Variants in NUTM2G observed in about 807,000 individuals in gnomAD.
The protein encoded by NUTM2G is family with sequence similarity 22, member G.
A neutral mutation model predicts 44.3 loss-of-function variants in NUTM2G; 29 were observed. That is an observed-to-expected ratio of 0.66 (90% confidence interval 0.49 to 0.89). NUTM2G has a LOEUF of 0.89. NUTM2G is among the 40% of genes least tolerant of loss of function. The pLI, the probability that NUTM2G is intolerant of heterozygous loss-of-function variation, is 0.00. For missense variants in NUTM2G, 502 were observed against 946.5 expected, an observed-to-expected ratio of 0.53 and a Z score of 6.16; for synonymous variants, 205 against 395.9, an observed-to-expected ratio of 0.52 and a Z score of 5.72.
rs1588205636 is a variant in NUTM2G, at chr9:96,937,210, C to G, written c.1129C>G (p.Pro377Ala). Residue 377 changes from proline to alanine, a missense_variant, in exon 5 of 7, where the codon CCT (proline) becomes GCT (alanine). Transcript: ENST00000372322. The part of the protein sequence containing the change: ...AETKVPEEIP[P>A]EVVQEYVDIM... ...GACCAAGGTCCCTGAGGAGATCCCC[C>G]CTGAAGTGGTGCAGGAGTATGTGGA... 3 of 1,612,998 alleles carry G rather than the reference C, an allele frequency of 1.9e-6. No homozygotes were observed. Among genetic ancestry groups the G allele is most frequent in the African/African-American group, 1.3e-5 (1 of 75,010 alleles).
At chr9:96,936,267 G>A (rs975295388) in intron 3 of NUTM2G, among the ~76,000 whole-genome samples, 158 bp from the exon 4 acceptor site, 3 of 151,926 alleles carry the variant, frequency 2.0e-5, no homozygotes, top group African/African-American at 7.3e-5. Flanking sequence ...CAGAACTCTG[G>A]GAGCAGCTCC....
In NUTM2G at chr9:96,931,822, C is replaced by A. The variant is rs771390512; in HGVS notation, c.117C>A (p.His39Gln). The change falls in exon 2 of 7, where the codon CAC becomes CAA. Residue 39 changes from histidine to glutamine, a missense_variant. By Grantham distance (24) the His-to-Gln change is conservative. Coordinates refer to ENST00000372322, the MANE Select transcript of NUTM2G (RefSeq NM_001170741.3). ...PFATPSPGPTHRPPLVTAVVP... is the reference protein window; with the variant it reads ...PFATPSPGPTQRPPLVTAVVP... ...CCACACCCTCTCCCGGCCCAACACA[C>A]AGGCCGCCCCTCGTGACTGCAGTGG... is the stretch of plus-strand genomic sequence containing the variant. 6.2e-7 allele frequency: 1 copy of A among 1,612,226 alleles called. No individual in the cohort carries two copies. Among genetic ancestry groups the A allele is most frequent in the South Asian group, 1.1e-5 (1 of 91,002 alleles).
chr9:96,936,574 C>T lies in NUTM2G; in HGVS notation c.982+10C>T, dbSNP rs1826440315. Reference sequence around the variant, plus strand: ...GTGGTCAAGCAGCCAGGTACAGCTTCCCACATTCCCACAGGAGCCATGGCA... The same window carrying T: ...GTGGTCAAGCAGCCAGGTACAGCTTTCCACATTCCCACAGGAGCCATGGCA... On this transcript the variant is annotated intron_variant, in intron 4 of 6. Coordinates refer to ENST00000372322, the MANE Select transcript of NUTM2G (RefSeq NM_001170741.3). The T allele has an allele frequency of 7.1e-6, 11 of 1,550,072 alleles. No homozygotes were observed. Among genetic ancestry groups the T allele is most frequent in the South Asian group, 1.2e-5 (1 of 85,292 alleles).
At chr9:96,934,553 C>A (rs933710190) in intron 2 of NUTM2G, among the ~76,000 whole-genome samples, 3 of 151,964 alleles carry the variant, frequency 2.0e-5, no homozygotes. Context: ...GCTTGGACAC[C>A]GCTCTGCTTT....
At chr9:96,933,209 C>A (rs532831539) in intron 2 of NUTM2G, among the ~76,000 whole-genome samples, 105 of 150,090 alleles carry the variant, frequency 7.0e-4, no homozygotes, top group Non-Finnish European at 1.2e-3. Flanking sequence ...CAATCTCCTG[C>A]CCTGGTGATT....
chr9:96,937,697 G>T (rs1826484432), intron 5 of NUTM2G, among the ~76,000 whole-genome samples, 188 bp from the exon 6 acceptor site: 1 of 148,500 alleles, frequency 6.7e-6, no homozygotes, highest in Admixed American at 6.6e-5. Context: ...TGTGGTTTGT[G>T]TGTCTCTGTA....
intron 4 of NUTM2G, 62 bp from the exon 5 acceptor site, chr9:96,937,002 T>G: frequency 2.8e-6 from 4 of 1,413,610 alleles, no homozygotes; most frequent in Non-Finnish European, 2.9e-6. Flanking sequence ...TGCCCTCCCC[T>G]GTGTGGTGCA....
At position 96,935,339 on chromosome 9, in the gene NUTM2G, G is replaced by T; in HGVS notation, c.725G>T (p.Arg242Leu). ...ALSCFLIPVLRSLARRKPTMT... is the reference protein window; with the variant it reads ...ALSCFLIPVLLSLARRKPTMT... ...GCACTGGTTTACAGCCCAGTTCTCC[G>T]ATCCCTGGCCCGGCGGAAGCCCACC... Residue 242 changes from arginine (R) to leucine (L), a missense_variant, in exon 3 of 7, where the codon CGA (arginine) becomes CTA (leucine). By Grantham distance (102) the Arg-to-Leu change is moderately radical (BLOSUM62 -2). Transcript: ENST00000372322. 6.2e-7 allele frequency: 1 copy of T among 1,612,006 alleles called. No individual in the cohort carries two copies. The highest frequency in any genetic ancestry group is 8.5e-7 in the Non-Finnish European group (1 of 1,179,858).
chr9:96,937,277 G>A lies in NUTM2G; in HGVS notation c.1196G>A (p.Gly399Glu). The part of the protein sequence containing the change: ...ELLGSHPGDT[G>E]EPEGQREKGK... Reference sequence around the variant, plus strand: ...CTGGGGTCTCACCCTGGGGACACAGGGGAGCCTGAGGGACAACGGGAAAAG... The same window carrying A: ...CTGGGGTCTCACCCTGGGGACACAGAGGAGCCTGAGGGACAACGGGAAAAG... The change falls in exon 5 of 7, where the codon GGG becomes GAG. Residue 399 changes from glycine (G) to glutamate (E), a missense_variant. Gly to Glu is a moderately conservative substitution (Grantham distance 98). Coordinates refer to ENST00000372322, the MANE Select transcript of NUTM2G (RefSeq NM_001170741.3). 1 of 1,613,714 alleles carries A rather than the reference G, an allele frequency of 6.2e-7. No individual in the cohort carries two copies.
At chr9:96,936,706 T>C in intron 4 of NUTM2G, 142 bp downstream of exon 4, 1 of 1,430,788 alleles carries the variant, frequency 7.0e-7, no homozygotes, top group Non-Finnish European at 9.2e-7. Context: ...GTATGTTGGG[T>C]ATTGACCAGG....
At chr9:96,933,844 A>AG (rs1275363112) in intron 2 of NUTM2G, 9 of 152,136 alleles carry the variant, frequency 5.9e-5, no homozygotes, top group African/African-American at 1.9e-4. Context: ...GAGCCTGCAC[A>AG]GGGGGATGGT....
chr9:96,929,981 A>T (rs1038357949), intron 1 of NUTM2G, among the ~76,000 whole-genome samples: 1 of 152,174 alleles, frequency 6.6e-6, no homozygotes, highest in African/African-American at 2.4e-5. Context: ...TATTATTATT[A>T]TTATTCAAAC....
intron 4 of NUTM2G, 87 bp downstream of exon 4, chr9:96,936,651 T>A (rs574866578): frequency 6.7e-7 from 1 of 1,496,520 alleles, no homozygotes; most frequent in Non-Finnish European, 8.9e-7. Context: ...ATGCTTCCCT[T>A]CAAGAGGGGG....
At chr9:96,938,022 G>A (rs373977117) in intron 6 of NUTM2G, 21 bp downstream of exon 6, 357 of 1,612,260 alleles carry the variant, frequency 2.2e-4, no homozygotes, top group Middle Eastern at 6.3e-4. Flanking sequence ...AGAGGGAGGG[G>A]AACCCAGGTA....
At position 96,931,910 on chromosome 9, in the gene NUTM2G, G is replaced by C. The variant is rs776478289; in HGVS notation, c.205G>C (p.Asp69His). The C allele has an allele frequency of 3.1e-6, 5 of 1,612,166 alleles. No homozygotes were observed. The highest frequency in any genetic ancestry group is 3.4e-6 in the Non-Finnish European group (4 of 1,179,844). Residue 69 changes from aspartate to histidine, a missense_variant, in exon 2 of 7, where the codon GAT becomes CAT. Coordinates refer to ENST00000372322, the MANE Select transcript of NUTM2G (RefSeq NM_001170741.3). Reference sequence around the variant, plus strand: ...CAGCACCCCTCTAGTGGCAGGACAGGATGGCCGCGGCCCAAGTGGGGCTGG... The same window carrying C: ...CAGCACCCCTCTAGTGGCAGGACAGCATGGCCGCGGCCCAAGTGGGGCTGG... ...FPSTPLVAGQ[D>H]GRGPSGAGAS...
rs757838284 is a variant in NUTM2G at position 96,935,427 on chromosome 9, C to T, written c.813C>T (p.Asp271=). 15 of 1,612,062 alleles carry T rather than the reference C, an allele frequency of 9.3e-6. No homozygotes were observed. In the Admixed American group the frequency reaches 2.3e-4, roughly 25 times the overall value. The change falls in exon 3 of 7, where the codon GAC becomes GAT. Residue 271 remains aspartate (D), a synonymous_variant. Coordinates refer to ENST00000372322, the MANE Select transcript of NUTM2G (RefSeq NM_001170741.3). Reference sequence around the variant, plus strand: ...AATGGCAGCACACGAGCAACTTTGACCGGATGATTTTCTACGAGATGGCGG... The same window carrying T: ...AATGGCAGCACACGAGCAACTTTGATCGGATGATTTTCTACGAGATGGCGG... The part of the protein sequence containing the change: ...MREWQHTSNF[D]RMIFYEMAAK...
In NUTM2G at chr9:96,937,199, A is replaced by G. The variant is rs747515880; in HGVS notation, c.1118A>G (p.Glu373Gly). The G allele has an allele frequency of 2.5e-6, 4 of 1,612,910 alleles. No homozygotes were observed. The Admixed American group carries it at 6.7e-5, about 27-fold the overall frequency. ...PPRPAETKVP[E>G]EIPPEVVQEY... ...AGGCCAGCAGAGACCAAGGTCCCTG[A>G]GGAGATCCCCCCTGAAGTGGTGCAG... The change falls in exon 5 of 7, where the codon GAG becomes GGG. Residue 373 changes from glutamate (E) to glycine (G), a missense_variant. Coordinates refer to ENST00000372322, the MANE Select transcript of NUTM2G (RefSeq NM_001170741.3).
At position 96,938,848 on chromosome 9, in the gene NUTM2G, G is replaced by A. The variant is rs201502679; in HGVS notation, c.1925G>A (p.Ser642Asn). The change falls in exon 7 of 7, where the codon AGC becomes AAC. Residue 642 changes from serine to asparagine, a missense_variant. By Grantham distance (46) the Ser-to-Asn change is conservative. Coordinates refer to ENST00000372322, the MANE Select transcript of NUTM2G (RefSeq NM_001170741.3). The stretch of plus-strand genomic sequence containing the variant: ...CTGAGGCCCTGGAGGCTGTCCCAGA[G>A]CCCTGTCCCTTCCTCGGGCCTTCTC... Reference protein sequence around the residue: ...HRLRPWRLSQSPVPSSGLLSP... With the variant: ...HRLRPWRLSQNPVPSSGLLSP... The A allele has an allele frequency of 1.4e-4, 217 of 1,549,000 alleles. 10 individuals carry two copies. The East Asian group carries it at 4.5e-3, about 32-fold the overall frequency.
At position 96,938,637 on chromosome 9, in the gene NUTM2G, C is replaced by A. The variant is rs538122935; in HGVS notation, c.1714C>A (p.Leu572Met). 2.5e-6 allele frequency: 4 copies of A among 1,600,998 alleles called. No individual in the cohort carries two copies. In the South Asian group the frequency reaches 3.3e-5, roughly 13 times the overall value. Residue 572 changes from leucine to methionine, a missense_variant, in exon 7 of 7, where the codon CTG becomes ATG. Leu to Met is a conservative substitution (Grantham distance 15, BLOSUM62 2). Transcript: ENST00000372322. Reference sequence around the variant, plus strand: ...TTTGGGATGTCAGGACTCCCCCAGGCTGAAGGCTGTCCGGCCAACCTCTCC... The same window carrying A: ...TTTGGGATGTCAGGACTCCCCCAGGATGAAGGCTGTCCGGCCAACCTCTCC... ...VLLGCQDSPR[L>M]KAVRPTSPPQ...
Sources: allele counts gnomAD v4.1 joint callset (sites outside exome capture counted in the v4.1 genomes callset), GRCh38; gene constraint gnomAD v4.1.1; transcripts MANE v1.5; gene names NCBI Gene and HGNC (gene_info 2026-07-23, HGNC 2026-07-21).